Variants in UNC5D observed in about 807,000 individuals in gnomAD.
UNC5D encodes unc-5 netrin receptor D.
UNC5D carries 39 observed loss-of-function variants against 105.4 expected under a neutral mutation model. The observed-to-expected ratio is 0.37, with a 90% CI of 0.29 to 0.48. UNC5D has a LOEUF of 0.48. UNC5D is among the 20% of genes least tolerant of loss of function. The probability of loss-of-function intolerance (pLI) is 0.98; values close to 1 mark genes in which losing one functional copy is unlikely to be tolerated. For synonymous variants in UNC5D, 452 were observed against 450.4 expected (o/e 1.00, Z -0.04); for missense variants, 991 against 1,202.4 (o/e 0.82, Z 2.60).
chr8:35,597,220 G>A (rs762844049), intron 4 of UNC5D, among the ~76,000 whole-genome samples: 2 of 152,016 alleles, frequency 1.3e-5, no homozygotes, highest in Non-Finnish European at 2.9e-5. Context: ...TGAAGTAAAC[G>A]GACTTGAAAA....
chr8:35,632,554 C>T (rs985905136), intron 4 of UNC5D, among the ~76,000 whole-genome samples: 4 of 152,362 alleles, frequency 2.6e-5, no homozygotes, highest in East Asian at 1.9e-4. Context: ...CCAGCTGGGG[C>T]CTCATCCCTG....
chr8:35,279,146 C>T lies in UNC5D; in HGVS notation c.103+43259C>T, dbSNP rs539935254. Among the ~76,000 whole-genome samples, 12 of 152,286 alleles carry T rather than the reference C, an allele frequency of 7.9e-5. No individual in the cohort carries two copies. In the South Asian group the frequency reaches 8.3e-4, roughly 11 times the overall value. ...CTGCTGAGCTACTCAGAGGAGGCCA[C>T]GGAGTATGCTGAATTCTAATGATGC... On this transcript the variant is annotated intron_variant, in intron 1 of 16. Coordinates refer to ENST00000404895, the MANE Select transcript of UNC5D (RefSeq NM_080872.4).
chr8:35,479,631 G>C (rs1394004895), intron 1 of UNC5D, among the ~76,000 whole-genome samples: 1 of 152,090 alleles, frequency 6.6e-6, no homozygotes, highest in Non-Finnish European at 1.5e-5. Context: ...ACATCATGTT[G>C]TGTGCAACAA....
chr8:35,581,351 A>G (rs1203891937), intron 3 of UNC5D, among the ~76,000 whole-genome samples: 1 of 151,958 alleles, frequency 6.6e-6, no homozygotes, highest in Non-Finnish European at 1.5e-5. Context: ...TTGTCTCCCA[A>G]ATTCTTCATC....
At chr8:35,246,834 G>A (rs1311955158) in intron 1 of UNC5D, among the ~76,000 whole-genome samples, 1 of 152,036 alleles carries the variant, frequency 6.6e-6, no homozygotes, top group Non-Finnish European at 1.5e-5. Flanking sequence ...ACTTTTTCTA[G>A]ATTTGTAGAA....
chr8:35,380,081 T>TG (rs1308518721), intron 1 of UNC5D, among the ~76,000 whole-genome samples: 3 of 1,528 alleles, frequency 2.0e-3, no homozygotes, highest in Non-Finnish European at 3.6e-3. Context: ...AACCTATAAT[T>TG]GGGGGTGGGG....
chr8:35,388,646 C>T (rs112160698), intron 1 of UNC5D, among the ~76,000 whole-genome samples: 1,888 of 152,244 alleles, frequency 0.012, 28 homozygotes, highest in Non-Finnish European at 0.021. Flanking sequence ...CATATATAGG[C>T]ATATTTTCAG....
intron 14 of UNC5D, among the ~76,000 whole-genome samples, chr8:35,763,035 C>A (rs1801611602): frequency 6.6e-6 from 1 of 152,184 alleles, no homozygotes; most frequent in Admixed American, 6.5e-5. Flanking sequence ...CCTCTCAGCT[C>A]AGAGAGCTCG....
intron 1 of UNC5D, among the ~76,000 whole-genome samples, chr8:35,536,899 G>A (rs1814884582): frequency 6.6e-6 from 1 of 152,148 alleles, no homozygotes; most frequent in South Asian, 2.1e-4. Flanking sequence ...GGGAGGCTGA[G>A]GCAGGAGAAT....
intron 1 of UNC5D, among the ~76,000 whole-genome samples, chr8:35,386,516 G>C (rs1283091258): frequency 6.6e-6 from 1 of 152,144 alleles, no homozygotes; most frequent in African/African-American, 2.4e-5. Context: ...TCGACTAAAA[G>C]CCTGAGGAGG....
intron 7 of UNC5D, among the ~76,000 whole-genome samples, chr8:35,704,328 GA>G (rs1234262003): frequency 6.6e-6 from 1 of 152,168 alleles, no homozygotes; most frequent in Non-Finnish European, 1.5e-5. Context: ...GCATTCCATA[GA>G]AACCATGTTA....
chr8:35,447,093 C>A (rs927323160), intron 1 of UNC5D, among the ~76,000 whole-genome samples: 1 of 151,998 alleles, frequency 6.6e-6, no homozygotes, highest in African/African-American at 2.4e-5. Flanking sequence ...TATGGTTTTA[C>A]GTGTTCTCCC....
At chr8:35,640,233 A>G (rs540632836) in intron 4 of UNC5D, among the ~76,000 whole-genome samples, 15 of 152,242 alleles carry the variant, frequency 9.9e-5, no homozygotes, top group African/African-American at 3.1e-4. Context: ...AGCTAGGCCA[A>G]ATATTTTCCT....
At chr8:35,590,323 C>G (rs1484168949) in intron 3 of UNC5D, among the ~76,000 whole-genome samples, 3 of 151,940 alleles carry the variant, frequency 2.0e-5, no homozygotes, top group African/African-American at 7.2e-5. Flanking sequence ...TCTGGAAAAG[C>G]CTTCCTTTTC....
chr8:35,719,873 C>T (rs146837768), intron 8 of UNC5D, among the ~76,000 whole-genome samples: 17 of 152,228 alleles, frequency 1.1e-4, no homozygotes, highest in African/African-American at 3.9e-4. Flanking sequence ...GGCTTTCTTT[C>T]CCTACCCTGT....
chr8:35,440,146 G>A (rs56198320), intron 1 of UNC5D, among the ~76,000 whole-genome samples: 23,438 of 151,934 alleles, frequency 0.15, 2,101 homozygotes, highest in Non-Finnish European at 0.21. Context: ...TAGGCCTCTG[G>A]GGGCTCTACC....
intron 1 of UNC5D, among the ~76,000 whole-genome samples, chr8:35,269,429 T>A (rs1805117502): frequency 6.6e-6 from 1 of 152,204 alleles, no homozygotes; most frequent in African/African-American, 2.4e-5. Flanking sequence ...AATGCTCGCT[T>A]CTTCATGCTG....
chr8:35,691,173 C>T (rs1004631339), intron 7 of UNC5D, among the ~76,000 whole-genome samples: 3 of 152,144 alleles, frequency 2.0e-5, no homozygotes, highest in Non-Finnish European at 4.4e-5. Context: ...GATGGCCACA[C>T]CTAGATGCTC....
intron 4 of UNC5D, among the ~76,000 whole-genome samples, chr8:35,625,428 C>CAT (rs1238806932): frequency 6.6e-6 from 1 of 152,120 alleles, no homozygotes; most frequent in Non-Finnish European, 1.5e-5. Flanking sequence ...TCATTGCAAA[C>CAT]ACATCAACAA....
Sources: allele counts gnomAD v4.1 joint callset (sites outside exome capture counted in the v4.1 genomes callset), GRCh38; gene constraint gnomAD v4.1.1; transcripts MANE v1.5; gene names NCBI Gene and HGNC (gene_info 2026-07-23, HGNC 2026-07-21).